THEMIS: variants seen among roughly 807,000 people sequenced by gnomAD.
THEMIS encodes the protein thymocyte selection associated.
THEMIS carries 37 observed loss-of-function variants against 52.6 expected under a neutral mutation model. The observed-to-expected ratio is 0.70, with a 90% CI of 0.54 to 0.93. The LOEUF (loss-of-function observed/expected upper bound fraction) is 0.93. THEMIS is among the 40% of genes least tolerant of loss of function. The pLI is 0.00. For missense variants in THEMIS, 808 were observed against 763.1 expected (o/e 1.06, Z -0.69); for synonymous variants, 292 against 272.7 (o/e 1.07, Z -0.70).
At chr6:127,743,546 G>T (rs568166594) in intron 4 of THEMIS, among the ~76,000 whole-genome samples, 1 of 152,004 alleles carries the variant, frequency 6.6e-6, no homozygotes, top group South Asian at 2.1e-4. Flanking sequence ...GAGTATAAAG[G>T]GTTTCTTAGG....
intron 4 of THEMIS, among the ~76,000 whole-genome samples, chr6:127,779,610 T>C (rs912488984): frequency 1.3e-5 from 2 of 152,108 alleles, no homozygotes; most frequent in Admixed American, 6.5e-5. Context: ...CAATGAGAAA[T>C]AGTATTTCTA....
rs1198429795 is a variant in THEMIS, at chr6:127,813,650, G to A, written c.991C>T (p.His331Tyr). 5 of 1,614,138 alleles carry A rather than the reference G, an allele frequency of 3.1e-6. No individual in the cohort carries two copies. Among genetic ancestry groups the A allele is most frequent in the Admixed American group, 3.3e-5 (2 of 59,994 alleles). Residue 331 changes from histidine (H) to tyrosine (Y), a missense_variant, in exon 4 of 6, where the codon CAC becomes TAC. Physicochemically the swap from His to Tyr is moderately conservative, Grantham distance 83 (BLOSUM62 2). Transcript: ENST00000368248. Reference protein sequence around the residue: ...SEIRSNFPKRHFLIPTSYKGK... With the variant: ...SEIRSNFPKRYFLIPTSYKGK... ...TTATAGCTAGTGGGGATCAAGAAGTGTCTTTTAGGAAAATTGCTTCTAATT... is the reference window on the plus strand; with the variant it reads ...TTATAGCTAGTGGGGATCAAGAAGTATCTTTTAGGAAAATTGCTTCTAATT...
Position 127,855,172 on chromosome 6 carries a change from C to A in THEMIS, c.108G>T (p.Met36Ile). Residue 36 changes from methionine (M) to isoleucine (I), a missense_variant, in exon 2 of 6, where the codon ATG (methionine) becomes ATT (isoleucine). Met to Ile is a conservative substitution (Grantham distance 10). Coordinates refer to ENST00000368248, the MANE Select transcript of THEMIS (RefSeq NM_001010923.3). The stretch of plus-strand genomic sequence containing the variant: ...TTGAAAAACAGCATTCATTTCCAAA[C>A]ATTTCATAAATAGAGCCTAAAAGGA... Reference protein sequence around the residue: ...GIYLEGSIYEMFGNECCFSTG... With the variant: ...GIYLEGSIYEIFGNECCFSTG... 1 of 1,600,200 alleles carries A rather than the reference C, an allele frequency of 6.2e-7. No individual in the cohort carries two copies. The highest frequency in any genetic ancestry group is 8.5e-7 in the Non-Finnish European group (1 of 1,174,576).
intron 1 of THEMIS, among the ~76,000 whole-genome samples, chr6:127,871,253 A>C (rs879653850): frequency 5.9e-5 from 9 of 152,068 alleles, no homozygotes; most frequent in Non-Finnish European, 8.8e-5. Flanking sequence ...AAGAAAAAAA[A>C]TTTTATATAT....
chr6:127,723,556 A>G (rs956054361), intron 4 of THEMIS, among the ~76,000 whole-genome samples: 1 of 152,010 alleles, frequency 6.6e-6, no homozygotes, highest in Admixed American at 6.6e-5. Flanking sequence ...GTAGAGATTT[A>G]TGAAATGAGA....
In THEMIS at chr6:127,876,330, G is replaced by A. The variant is rs149854181; in HGVS notation, c.92-21142C>T. ...ACTGACTTCCAGATTGAGGTGCTGGGGTATTAGGAGAATGATAGGGCACTA... is the reference window on the plus strand; with the variant it reads ...ACTGACTTCCAGATTGAGGTGCTGGAGTATTAGGAGAATGATAGGGCACTA... On this transcript the variant is annotated intron_variant, in intron 1 of 5. Coordinates refer to ENST00000368248, the MANE Select transcript of THEMIS (RefSeq NM_001010923.3). 5.5e-3 allele frequency among the ~76,000 whole-genome samples: 833 copies of A among 152,256 alleles called. 4 individuals carry two copies. Among genetic ancestry groups the A allele is most frequent in the Non-Finnish European group, 6.6e-3 (450 of 68,014 alleles).
chr6:127,908,297 C>T (rs1781327498), intron 1 of THEMIS, among the ~76,000 whole-genome samples: 1 of 152,064 alleles, frequency 6.6e-6, no homozygotes, highest in South Asian at 2.1e-4. Context: ...GCTGACCATG[C>T]CCACAAGTTA....
rs370886859 is a variant in THEMIS at position 127,895,226 on chromosome 6, C to G, written c.91+5616G>C. ...CAAAATTTAGTACATAATATATTAA[C>G]AAGGAACTTTAGATGATTTTCTTTA... On this transcript the variant is annotated intron_variant, in intron 1 of 5. Coordinates refer to ENST00000368248, the MANE Select transcript of THEMIS (RefSeq NM_001010923.3). 3.0e-4 allele frequency among the ~76,000 whole-genome samples: 45 copies of G among 151,220 alleles called. 2 individuals carry two copies. In the East Asian group the frequency reaches 4.8e-3, roughly 16 times the overall value.
intron 1 of THEMIS, among the ~76,000 whole-genome samples, chr6:127,883,177 T>A (rs145378363): frequency 6.6e-6 from 1 of 152,106 alleles, no homozygotes; most frequent in East Asian, 1.9e-4. Context: ...CAATAAATTG[T>A]CATAAAATAT....
intron 4 of THEMIS, among the ~76,000 whole-genome samples, chr6:127,759,790 C>A (rs1583242515): frequency 6.7e-6 from 1 of 150,356 alleles, no homozygotes; most frequent in East Asian, 2.0e-4. Context: ...TCCTTCCTTC[C>A]CTCCTTTCTT....
chr6:127,734,061 T>C lies in THEMIS; in HGVS notation c.1759-14238A>G, dbSNP rs185231916. Among the ~76,000 whole-genome samples the C allele has an allele frequency of 1.3e-3, 199 of 152,254 alleles. 1 individual carries two copies. The highest frequency in any genetic ancestry group is 4.7e-3 in the African/African-American group (197 of 41,532). On this transcript the variant is annotated intron_variant, in intron 4 of 5. Coordinates refer to ENST00000368248, the MANE Select transcript of THEMIS (RefSeq NM_001010923.3). ...GGAATACAATCTGCAACATTCATGCTGTGGTAAACTCTATAAAACAAATAC... is the reference window on the plus strand; with the variant it reads ...GGAATACAATCTGCAACATTCATGCCGTGGTAAACTCTATAAAACAAATAC...
At chr6:127,769,955 C>G (rs1776327359) in intron 4 of THEMIS, among the ~76,000 whole-genome samples, 1 of 152,146 alleles carries the variant, frequency 6.6e-6, no homozygotes, top group Admixed American at 6.6e-5. Context: ...CATGAACTCA[C>G]CCTTTTTTAT....
chr6:127,819,944 T>A (rs1778277968), intron 3 of THEMIS, among the ~76,000 whole-genome samples: 1 of 152,154 alleles, frequency 6.6e-6, no homozygotes, highest in Non-Finnish European at 1.5e-5. Context: ...AAACTAATAA[T>A]TGTAGCAATA....
chr6:127,812,465 C>A (rs1562272781), intron 4 of THEMIS, among the ~76,000 whole-genome samples: 1 of 151,992 alleles, frequency 6.6e-6, no homozygotes. Context: ...CTACCAGTAA[C>A]CCCCCATCCC....
At chr6:127,836,861 CTGG>C (rs1778889208) in intron 2 of THEMIS, among the ~76,000 whole-genome samples, 1 of 152,102 alleles carries the variant, frequency 6.6e-6, no homozygotes, top group South Asian at 2.1e-4. Context: ...AAGCTTTGAC[CTGG>C]TACCTGGTCA....
intron 1 of THEMIS, among the ~76,000 whole-genome samples, chr6:127,899,080 T>G (rs1270866764): frequency 6.6e-6 from 1 of 151,784 alleles, no homozygotes; most frequent in Non-Finnish European, 1.5e-5. Flanking sequence ...TAGCTAAAAA[T>G]AATTTACTGT....
chr6:127,729,790 T>C (rs939697804), intron 4 of THEMIS, among the ~76,000 whole-genome samples: 28 of 152,156 alleles, frequency 1.8e-4, no homozygotes, highest in African/African-American at 6.8e-4. Flanking sequence ...ATTCGAGTAA[T>C]GAGTTTTCAT....
chr6:127,905,991 GA>G (rs1562333116), upstream of THEMIS, among the ~76,000 whole-genome samples: 1 of 145,326 alleles, frequency 6.9e-6, no homozygotes, highest in Non-Finnish European at 1.5e-5. Context: ...GTAATTAAAT[GA>G]AATAATTTAA....
intron 4 of THEMIS, among the ~76,000 whole-genome samples, chr6:127,800,156 A>G (rs1583291702): frequency 6.6e-6 from 1 of 152,220 alleles, no homozygotes; most frequent in African/African-American, 2.4e-5. Flanking sequence ...TAATTTCACT[A>G]GTTTTGTATG....
Sources: allele counts gnomAD v4.1 joint callset (sites outside exome capture counted in the v4.1 genomes callset), GRCh38; gene constraint gnomAD v4.1.1; transcripts MANE v1.5; gene names NCBI Gene and HGNC (gene_info 2026-07-23, HGNC 2026-07-21).